FYN: variants seen among roughly 807,000 people sequenced by gnomAD.
The protein encoded by FYN is FYN proto-oncogene, Src family tyrosine kinase.
In FYN, 10 loss-of-function variants were observed where a neutral mutation model predicts 70.2. The observed-to-expected ratio is 0.14, with a 90% CI of 0.09 to 0.24. The LOEUF is 0.24. Ranked by LOEUF, FYN falls within the 10% of genes least tolerant of loss-of-function variation. The pLI, the probability that FYN is intolerant of heterozygous loss-of-function variation, is 1.00. For synonymous variants in FYN, 236 were observed against 248.6 expected (o/e 0.95, Z 0.48); for missense variants, 319 against 673.1 (o/e 0.47, Z 5.82).
intron 1 of FYN, among the ~76,000 whole-genome samples, chr6:111,866,073 G>T (rs1404967725): frequency 2.6e-5 from 4 of 152,144 alleles, no homozygotes; most frequent in Non-Finnish European, 4.4e-5. Context: ...CCTAAAGCAT[G>T]TATGTCATAT....
At chr6:111,735,617 T>A (rs1021591492) in intron 3 of FYN, among the ~76,000 whole-genome samples, 3 of 152,136 alleles carry the variant, frequency 2.0e-5, no homozygotes, top group Non-Finnish European at 4.4e-5. Context: ...TGGGTCTTGA[T>A]AGACACATAC....
chr6:111,699,911 ATCTT>A, intron 9 of FYN, 189 bp downstream of exon 9: 2 of 500,104 alleles, frequency 4.0e-6, no homozygotes, highest in South Asian at 3.2e-5. Flanking sequence ...CCCACTTACT[ATCTT>A]TTTTTTTTTT....
chr6:111,700,158 A>T lies in FYN; in HGVS notation c.808T>A (p.Ser270Thr), dbSNP rs1307588137. 2.5e-6 allele frequency: 4 copies of T among 1,613,912 alleles called. No homozygotes were observed. The highest frequency in any genetic ancestry group is 3.4e-6 in the Non-Finnish European group (4 of 1,180,020). The change falls in exon 9 of 14, where the codon TCC becomes ACC. Residue 270 changes from serine to threonine, a missense_variant. Physicochemically the swap from Ser to Thr is moderately conservative, Grantham distance 58. Transcript: ENST00000354650. ...TKDVWEIPRE[S>T]LQLIKRLGNG... ...CCCAGTCTCTTGATCAACTGCAGGG[A>T]TTCTCGAGGGATTTCCCAGACATCT... is the stretch of plus-strand genomic sequence containing the variant.
At chr6:111,782,836 A>C (rs1771225661) in intron 2 of FYN, among the ~76,000 whole-genome samples, 1 of 152,196 alleles carries the variant, frequency 6.6e-6, no homozygotes, top group Non-Finnish European at 1.5e-5. Context: ...AAGAGACCAC[A>C]CCAAGCTCCA....
At chr6:111,848,397 T>C (rs1017245639) in intron 1 of FYN, among the ~76,000 whole-genome samples, 2 of 152,218 alleles carry the variant, frequency 1.3e-5, no homozygotes, top group Non-Finnish European at 2.9e-5. Context: ...TCTGAAAGAA[T>C]GAGCCTTCAC....
intron 3 of FYN, among the ~76,000 whole-genome samples, chr6:111,772,895 T>C (rs1191307694): frequency 6.6e-6 from 1 of 152,040 alleles, no homozygotes; most frequent in Admixed American, 6.6e-5. Flanking sequence ...TGGGACTGTA[T>C]TGTTGAAATT....
chr6:111,719,729 G>A, intron 4 of FYN, 76 bp downstream of exon 4: 1 of 1,522,278 alleles, frequency 6.6e-7, no homozygotes, highest in East Asian at 2.3e-5. Flanking sequence ...GAAGTGATGG[G>A]AACCCAGATG....
chr6:111,850,330 A>G (rs1023553465), intron 1 of FYN, among the ~76,000 whole-genome samples: 4 of 152,192 alleles, frequency 2.6e-5, no homozygotes, highest in African/African-American at 9.7e-5. Flanking sequence ...TACTTGCAAA[A>G]GATTTAAAAT....
intron 3 of FYN, among the ~76,000 whole-genome samples, chr6:111,756,054 T>A (rs1802719862): frequency 6.6e-6 from 1 of 151,632 alleles, no homozygotes; most frequent in East Asian, 1.9e-4. Context: ...CTAGAGAAGA[T>A]GAACAAAGGA....
At chr6:111,777,060 C>A (rs992759477) in intron 3 of FYN, among the ~76,000 whole-genome samples, 12 of 152,170 alleles carry the variant, frequency 7.9e-5, no homozygotes, top group Non-Finnish European at 1.5e-4. Context: ...TAGAGGTCAT[C>A]AAATGACTAA....
rs1799519816 is a variant in FYN at position 111,695,178 on chromosome 6, TAAATCAGA to T, written c.1043-482_1043-475del. Among the ~76,000 whole-genome samples the T allele has an allele frequency of 2.0e-5, 3 of 152,300 alleles. No individual in the cohort carries two copies. In the South Asian group the frequency reaches 6.2e-4, roughly 32 times the overall value. On this transcript the variant is annotated intron_variant, in intron 10 of 13. Coordinates refer to ENST00000354650, the MANE Select transcript of FYN (RefSeq NM_002037.5). ...TTCTCAGGTCCCATCCCAGATCGAGTAAATCAGAAACTTTGAAGGTTGGGTCCAGAAAC... is the reference window on the plus strand; with the variant it reads ...TTCTCAGGTCCCATCCCAGATCGAGTAACTTTGAAGGTTGGGTCCAGAAAC...
intron 3 of FYN, among the ~76,000 whole-genome samples, chr6:111,741,697 G>A (rs942832683): frequency 3.3e-5 from 5 of 152,146 alleles, no homozygotes; most frequent in African/African-American, 9.7e-5. Flanking sequence ...CCCACCTCTC[G>A]TTTCAGCAGA....
At chr6:111,791,659 T>G (rs759894895) in intron 2 of FYN, among the ~76,000 whole-genome samples, 1 of 152,132 alleles carries the variant, frequency 6.6e-6, no homozygotes, top group African/African-American at 2.4e-5. Context: ...AAGCTGGGAA[T>G]AGGCAAGGAA....
At chr6:111,670,409 T>C (rs867519249) in intron 13 of FYN, among the ~76,000 whole-genome samples, 13 of 152,224 alleles carry the variant, frequency 8.5e-5, no homozygotes, top group Admixed American at 4.6e-4. Flanking sequence ...CCCTGTTTTA[T>C]TTTTCTCCCT....
chr6:111,670,925 T>C (rs1253584078), intron 13 of FYN, among the ~76,000 whole-genome samples: 1 of 152,232 alleles, frequency 6.6e-6, no homozygotes, highest in Admixed American at 6.5e-5. Context: ...ATTTCTCACA[T>C]ACAACAATCC....
intron 12 of FYN, among the ~76,000 whole-genome samples, chr6:111,693,255 A>G (rs1799423957): frequency 6.6e-6 from 1 of 152,194 alleles, no homozygotes; most frequent in East Asian, 1.9e-4. Flanking sequence ...AAAAAGAGAA[A>G]GAAAAGGACT....
At chr6:111,675,814 A>AAAATAAAT (rs571127025) in intron 12 of FYN, among the ~76,000 whole-genome samples, 8 of 151,118 alleles carry the variant, frequency 5.3e-5, no homozygotes, top group African/African-American at 2.0e-4. Flanking sequence ...AAATAAAATA[A>AAAATAAAT]AAATAAATAA....
chr6:111,664,701 G>T (rs529395624), intron 13 of FYN, among the ~76,000 whole-genome samples: 2 of 151,856 alleles, frequency 1.3e-5, no homozygotes, highest in Non-Finnish European at 2.9e-5. Flanking sequence ...GCTCCTTCTC[G>T]CTCTCCCCTT....
chr6:111,688,903 G>A (rs988885097), intron 12 of FYN, among the ~76,000 whole-genome samples: 4 of 152,192 alleles, frequency 2.6e-5, no homozygotes, highest in Non-Finnish European at 5.9e-5. Flanking sequence ...TATCAAAGTG[G>A]TGACTGCCCA....
Sources: gnomAD v4.1 joint callset for allele counts (sites outside exome capture counted in the v4.1 genomes callset) on GRCh38, gnomAD v4.1.1 for gene constraint, MANE v1.5 for transcripts, NCBI Gene and HGNC (gene_info 2026-07-23, HGNC 2026-07-21) for gene names.